Variants in NPHP3 observed in about 807,000 individuals in gnomAD.
NPHP3 encodes the protein nephrocystin-3.
In NPHP3, 123 loss-of-function variants were observed where a neutral mutation model predicts 171.9. That is an observed-to-expected ratio of 0.72 (90% CI 0.62 to 0.83). The LOEUF is 0.83. Ranked by LOEUF, NPHP3 falls within the 40% of genes least tolerant of loss-of-function variation. NPHP3 has a pLI of 0.00. For missense variants in NPHP3, 1,506 were observed against 1,591.9 expected (o/e 0.95, Z 0.92); for synonymous variants, 558 against 579.2 (o/e 0.96, Z 0.52).
chr3:132,683,567 A>C, intron 24 of NPHP3, 43 bp from the exon 25 acceptor site: 1 of 1,519,394 alleles, frequency 6.6e-7, no homozygotes, highest in South Asian at 1.1e-5. Context: ...TAAGGCAATA[A>C]ATACTATCTT....
chr3:132,696,734 G>A lies in NPHP3; in HGVS notation c.2168C>T (p.Ala723Val), dbSNP rs748726027. 9.3e-6 allele frequency: 15 copies of A among 1,613,664 alleles called. No individual in the cohort carries two copies. Among genetic ancestry groups the A allele is most frequent in the East Asian group, 4.5e-5 (2 of 44,876 alleles). Residue 723 changes from alanine (A) to valine (V), a missense_variant, in exon 15 of 27, where the codon GCG becomes GTG. This residue lies in a region of NPHP3 where 930 missense variants were observed against 924.9 expected (regional missense o/e 1.01). Transcript: ENST00000337331. Reference protein sequence around the residue: ...LYVTLFGKMIARAGRAGNLDK... With the variant: ...LYVTLFGKMIVRAGRAGNLDK... ...ATGTAAAATAATCACCACTCACCGCGCGATCATTTTGCCGAAAAGGGTGAC... is the reference window on the plus strand; with the variant it reads ...ATGTAAAATAATCACCACTCACCGCACGATCATTTTGCCGAAAAGGGTGAC...
chr3:132,706,444 C>T (rs567104005), intron 7 of NPHP3, among the ~76,000 whole-genome samples: 1 of 151,490 alleles, frequency 6.6e-6, no homozygotes, highest in East Asian at 1.9e-4. Context: ...TATGTATTTC[C>T]ATACCACTCA....
chr3:132,719,573 C>T (rs1029146579), intron 2 of NPHP3, 132 bp downstream of exon 2: 2 of 568,032 alleles, frequency 3.5e-6, no homozygotes, highest in East Asian at 3.6e-5. Flanking sequence ...GTGCTCTACA[C>T]TAATTCTTAC....
At chr3:132,692,452 A>G (rs781762525) in intron 17 of NPHP3, among the ~76,000 whole-genome samples, 4 of 152,192 alleles carry the variant, frequency 2.6e-5, no homozygotes, top group Non-Finnish European at 5.9e-5. Flanking sequence ...TTGTGGTAAG[A>G]CCACTTAACG....
rs1940248589 is a variant in NPHP3 at position 132,722,142 on chromosome 3, C to T, written c.214G>A (p.Ala72Thr). 6.3e-7 allele frequency: 1 copy of T among 1,591,400 alleles called. No homozygotes were observed. Among genetic ancestry groups the T allele is most frequent in the Non-Finnish European group, 8.5e-7 (1 of 1,174,508 alleles). The change falls in exon 1 of 27, where the codon GCC becomes ACC. Residue 72 changes from alanine (A) to threonine (T), a missense_variant. By Grantham distance (58) the Ala-to-Thr change is moderately conservative. Coordinates refer to ENST00000337331, the MANE Select transcript of NPHP3 (RefSeq NM_153240.5). The stretch of plus-strand genomic sequence containing the variant: ...GACGAGCCAGTGGACTTGAAGCTGG[C>T]CCCCAGCAGCCCGCCCGCGCCCACC... ...RGVGAGGLLG[A>T]SFKSTGSSVP...
chr3:132,706,384 A>C (rs557433248), intron 7 of NPHP3, among the ~76,000 whole-genome samples: 12 of 151,996 alleles, frequency 7.9e-5, no homozygotes, highest in East Asian at 1.9e-4. Context: ...AAACAAAAAA[A>C]AAACCAAGAA....
At chr3:132,717,752 CTTTTTTTTT>C (rs959757847) in intron 3 of NPHP3, among the ~76,000 whole-genome samples, 1 of 81,246 alleles carries the variant, frequency 1.2e-5, no homozygotes, top group African/African-American at 5.0e-5. Context: ...CATTAAGAAT[CTTTTTTTTT>C]TTTTTTTTTT....
chr3:132,713,175 T>C lies in NPHP3; in HGVS notation c.1069A>G (p.Ile357Val). The part of the protein sequence containing the change: ...NQYLTVRKWE[I>V]EKSSLVILFI... ...AAAATAACTAAAGAACTTTTCTCAATTTCCCATTTTCTTACAGTGAGGTAT... is the reference window on the plus strand; with the variant it reads ...AAAATAACTAAAGAACTTTTCTCAACTTCCCATTTTCTTACAGTGAGGTAT... Residue 357 changes from isoleucine (I) to valine (V), a missense_variant, in exon 6 of 27, where the codon ATT becomes GTT. Physicochemically the swap from Ile to Val is conservative, Grantham distance 29 (BLOSUM62 3). Coordinates refer to ENST00000337331, the MANE Select transcript of NPHP3 (RefSeq NM_153240.5). 2 of 1,528,454 alleles carry C rather than the reference T, an allele frequency of 1.3e-6. No homozygotes were observed. The highest frequency in any genetic ancestry group is 1.8e-6 in the Non-Finnish European group (2 of 1,115,184). 94.7% of individuals were successfully genotyped at this position (1,528,454 alleles called of 1,614,324 possible).
chr3:132,719,914 A>T (rs971412685), intron 1 of NPHP3, 84 bp from the exon 2 acceptor site: 2 of 514,994 alleles, frequency 3.9e-6, no homozygotes, highest in Non-Finnish European at 5.7e-6. Context: ...ATATATATAT[A>T]TATATGTTAC....
chr3:132,683,116 C>A (rs1939073613), intron 25 of NPHP3, among the ~76,000 whole-genome samples: 1 of 152,036 alleles, frequency 6.6e-6, no homozygotes, highest in Non-Finnish European at 1.5e-5. Flanking sequence ...TAATCAAATG[C>A]CACAGGCTTA....
At chr3:132,706,252 A>G (rs771532532) in intron 7 of NPHP3, among the ~76,000 whole-genome samples, 9 of 151,720 alleles carry the variant, frequency 5.9e-5, no homozygotes, top group Admixed American at 1.3e-4. Flanking sequence ...CCAGCTACTC[A>G]GGAGGTTGAG....
chr3:132,717,738 T>G (rs1258696705), intron 3 of NPHP3, among the ~76,000 whole-genome samples: 1 of 150,392 alleles, frequency 6.6e-6, no homozygotes, highest in Non-Finnish European at 1.5e-5. Flanking sequence ...CAGCTACTCT[T>G]GGCCATTAAG....
intron 6 of NPHP3, among the ~76,000 whole-genome samples, chr3:132,710,405 G>A (rs73863712): frequency 0.015 from 2,203 of 151,444 alleles, 41 homozygotes; most frequent in African/African-American, 0.05. Context: ...CCTGAAAGGT[G>A]ACTGAATTAC....
intron 7 of NPHP3, 147 bp from the exon 8 acceptor site, chr3:132,705,961 G>T: frequency 1.8e-6 from 1 of 555,384 alleles, no homozygotes; most frequent in Admixed American, 3.2e-5. Flanking sequence ...AACCTTAGGA[G>T]GGAGATACTA....
chr3:132,716,372 T>C (rs903035744), intron 4 of NPHP3, among the ~76,000 whole-genome samples: 2 of 152,246 alleles, frequency 1.3e-5, no homozygotes, highest in African/African-American at 4.8e-5. Flanking sequence ...TATTACCTAA[T>C]AGAGCTTTTT....
intron 25 of NPHP3, 70 bp from the exon 26 acceptor site, chr3:132,682,888 A>AGT: frequency 1.1e-6 from 1 of 937,522 alleles, no homozygotes; most frequent in Non-Finnish European, 1.8e-6. Context: ...GACTAAGCTA[A>AGT]CCTACTTTGA....
Position 132,722,016 on chromosome 3 carries a change from G to C in NPHP3, c.340C>G (p.Arg114Gly), listed in dbSNP as rs777537602. The change falls in exon 1 of 27, where the codon CGC (arginine) becomes GGC (glycine). Residue 114 changes from arginine (R) to glycine (G), a missense_variant. Physicochemically the swap from Arg to Gly is moderately radical, Grantham distance 125. This residue lies in a region of NPHP3 where 930 missense variants were observed against 924.9 expected (regional missense o/e 1.01). Coordinates refer to ENST00000337331, the MANE Select transcript of NPHP3 (RefSeq NM_153240.5). Reference sequence around the variant, plus strand: ...TCCGTGTCCAGCTTGGCCTCGCGGCGGCCCATGGACAACAACTCCTGGTTC... The same window carrying C: ...TCCGTGTCCAGCTTGGCCTCGCGGCCGCCCATGGACAACAACTCCTGGTTC... ...SKNQELLSMG[R>G]REAKLDTENK... 6.2e-7 allele frequency: 1 copy of C among 1,613,048 alleles called. No individual in the cohort carries two copies. The highest frequency in any genetic ancestry group is 1.3e-5 in the African/African-American group (1 of 74,906).
chr3:132,697,225 G>A, intron 14 of NPHP3, 35 bp downstream of exon 14: 1 of 1,297,142 alleles, frequency 7.7e-7, no homozygotes, highest in South Asian at 1.2e-5. Context: ...AAAGATGAGA[G>A]AGTAAAAGAT....
chr3:132,710,317 T>C (rs948373793), intron 6 of NPHP3, among the ~76,000 whole-genome samples: 1 of 150,842 alleles, frequency 6.6e-6, no homozygotes, highest in Non-Finnish European at 1.5e-5. Context: ...TTGCCTAAAT[T>C]CTATAACGAA....
Sources: allele counts gnomAD v4.1 joint callset (sites outside exome capture counted in the v4.1 genomes callset), GRCh38; gene constraint gnomAD v4.1.1; regional missense constraint gnomAD v4.1.1; transcripts MANE v1.5; gene names NCBI Gene and HGNC (gene_info 2026-07-23, HGNC 2026-07-21).